CELSR1: variants seen among roughly 807,000 people sequenced by gnomAD.
CELSR1 encodes adhesion G protein-coupled receptor C1.
Under a neutral mutation model 249.1 loss-of-function variants are expected in CELSR1, and 110 were observed. The ratio of observed to expected loss-of-function variants is 0.44; its 90% CI spans 0.38 to 0.52. The LOEUF is 0.52. Among genes scored for constraint, CELSR1 ranks in the 20% least tolerant of loss-of-function variants. CELSR1 has a pLI of 0.00. For synonymous variants in CELSR1, 2,113 were observed against 1,900.0 expected (o/e 1.11, Z -2.92); for missense variants, 4,109 against 4,296.4 (o/e 0.96, Z 1.22).
chr22:46,434,734 C>G lies in CELSR1; in HGVS notation c.4523-1253G>C, dbSNP rs766590789. Among the ~76,000 whole-genome samples the G allele has an allele frequency of 6.6e-6, 1 of 152,146 alleles. No individual in the cohort carries two copies. Among genetic ancestry groups the G allele is most frequent in the Non-Finnish European group, 1.5e-5 (1 of 68,026 alleles). Reference sequence around the variant, plus strand: ...GTGCCAGGCTGAGCCTGGTGGCTCACATCTGTAATCCCAGCACTTTGGGAG... The same window carrying G: ...GTGCCAGGCTGAGCCTGGTGGCTCAGATCTGTAATCCCAGCACTTTGGGAG... On this transcript the variant is annotated intron_variant, in intron 4 of 34. Coordinates refer to ENST00000674500, the MANE Select transcript of CELSR1 (RefSeq NM_001378328.1). This position sits in a 1 kb window ranked among gnomAD's most constrained non-coding sequence, Gnocchi z 4.9.
chr22:46,501,587 G>C (rs552126903), intron 1 of CELSR1, among the ~76,000 whole-genome samples: 1 of 152,128 alleles, frequency 6.6e-6, no homozygotes, highest in African/African-American at 2.4e-5. Context: ...AGGAACCTAC[G>C]GAAACACGCA....
chr22:46,414,555 C>T (rs970634140), intron 5 of CELSR1, among the ~76,000 whole-genome samples: 66 of 151,472 alleles, frequency 4.4e-4, no homozygotes, highest in Non-Finnish European at 7.5e-4. Flanking sequence ...TCCCGCCTCT[C>T]GGCGAGTGTG....
rs965659661 is a variant in CELSR1 at position 46,506,231 on chromosome 22, C to T, written c.3544+27396G>A. Among the ~76,000 whole-genome samples the T allele has an allele frequency of 2.0e-5, 3 of 151,808 alleles. No individual in the cohort carries two copies. The highest frequency in any genetic ancestry group is 7.3e-5 in the African/African-American group (3 of 41,300). Reference sequence around the variant, plus strand: ...AAGACAGAAAAGAAACTACTGACTACTGACGGATTGCTGGGTTCTGGATGG... The same window carrying T: ...AAGACAGAAAAGAAACTACTGACTATTGACGGATTGCTGGGTTCTGGATGG... On this transcript the variant is annotated intron_variant, in intron 1 of 34. Transcript: ENST00000674500. This position sits in a 1 kb window ranked among gnomAD's most constrained non-coding sequence, Gnocchi z 4.1.
chr22:46,399,969 C>A lies in CELSR1; in HGVS notation c.5227-67G>T. The A allele has an allele frequency of 6.7e-7, 1 of 1,501,218 alleles. No individual in the cohort carries two copies. Among genetic ancestry groups the A allele is most frequent in the Non-Finnish European group, 9.1e-7 (1 of 1,095,306 alleles). 93.0% of individuals were successfully genotyped at this position (1,501,218 alleles called of 1,614,324 possible). The stretch of plus-strand genomic sequence containing the variant: ...AATGAAAGAGAAAACATTTTGCAGT[C>A]ACTTAAACAAGGAAGCTGTGAAAGG... On this transcript the variant is annotated intron_variant, in intron 9 of 34. Coordinates refer to ENST00000674500, the MANE Select transcript of CELSR1 (RefSeq NM_001378328.1). The surrounding 1 kb of genome is among the most constrained non-coding windows in gnomAD (Gnocchi z 5.0).
At chr22:46,487,533 G>A (rs1367333642) in intron 1 of CELSR1, among the ~76,000 whole-genome samples, 1 of 105,216 alleles carries the variant, frequency 9.5e-6, no homozygotes, top group Non-Finnish European at 1.9e-5. Context: ...GAGCCCCACG[G>A]GGGAGGGGAG....
intron 25 of CELSR1, 132 bp downstream of exon 25, chr22:46,372,751 G>T: frequency 1.7e-6 from 2 of 1,181,826 alleles, no homozygotes; most frequent in Non-Finnish European, 1.2e-6. Context: ...GTGCAGGGCC[G>T]AGGCCTCCTC....
At chr22:46,478,574 A>G (rs1810477) in intron 1 of CELSR1, among the ~76,000 whole-genome samples, 98,937 of 150,364 alleles carry the variant, frequency 0.66, 33,312 homozygotes, top group East Asian at 0.85. Flanking sequence ...ATGGAGTCTC[A>G]CACTGTCGCC....
At chr22:46,372,340 T>C (rs1403574345) in intron 25 of CELSR1, among the ~76,000 whole-genome samples, 2 of 92,860 alleles carry the variant, frequency 2.2e-5, no homozygotes, top group Non-Finnish European at 2.2e-5. Context: ...ACCCCATCTA[T>C]CCATCCACTC....
At position 46,458,382 on chromosome 22, in the gene CELSR1, G is replaced by A. The variant is rs115818519; in HGVS notation, c.4183+5325C>T. Among the ~76,000 whole-genome samples, 783 of 152,312 alleles carry A rather than the reference G, an allele frequency of 5.1e-3. 5 individuals are homozygous for A. The highest frequency in any genetic ancestry group is 0.018 in the African/African-American group (745 of 41,560). ...CTGGGCGCTCCGTGAAGAAGGGATCGTCAGGGCAGGACGAGGGTGGCAGGG... is the reference window on the plus strand; with the variant it reads ...CTGGGCGCTCCGTGAAGAAGGGATCATCAGGGCAGGACGAGGGTGGCAGGG... On this transcript the variant is annotated intron_variant, in intron 2 of 34. Transcript: ENST00000674500.
intron 1 of CELSR1, among the ~76,000 whole-genome samples, chr22:46,530,714 C>A (rs2080782824): frequency 6.6e-6 from 1 of 152,238 alleles, no homozygotes; most frequent in Non-Finnish European, 1.5e-5. Flanking sequence ...AAACCACCAA[C>A]AACTATCTAG....
At position 46,439,419 on chromosome 22, in the gene CELSR1, G is replaced by C. The variant is rs200176500; in HGVS notation, c.4184-8C>G. The C allele has an allele frequency of 3.7e-6, 6 of 1,606,736 alleles. No homozygotes were observed. Among genetic ancestry groups the C allele is most frequent in the Non-Finnish European group, 4.2e-6 (5 of 1,177,500 alleles). On this transcript the variant is annotated splice_polypyrimidine_tract_variant and splice_region_variant and intron_variant, in intron 2 of 34. Transcript: ENST00000674500. ...CCACCTCACAGTGCTCTCCTGGGGGGCGAGAGGAAGATGCCAGAGAGGAGG... is the reference window on the plus strand; with the variant it reads ...CCACCTCACAGTGCTCTCCTGGGGGCCGAGAGGAAGATGCCAGAGAGGAGG...
In CELSR1 at chr22:46,398,993, C is replaced by T. The variant is rs1049803898; in HGVS notation, c.5413-356G>A. ...AGGAAGACTGCAGTGAACGGAAATCCGCTCACTCATTAACACTGTGGGAAC... is the reference window on the plus strand; with the variant it reads ...AGGAAGACTGCAGTGAACGGAAATCTGCTCACTCATTAACACTGTGGGAAC... On this transcript the variant is annotated intron_variant, in intron 10 of 34. Coordinates refer to ENST00000674500, the MANE Select transcript of CELSR1 (RefSeq NM_001378328.1). The surrounding 1 kb of genome is among the most constrained non-coding windows in gnomAD (Gnocchi z 7.2). Among the ~76,000 whole-genome samples the T allele has an allele frequency of 2.0e-5, 3 of 152,204 alleles. No homozygotes were observed. Among genetic ancestry groups the T allele is most frequent in the African/African-American group, 7.2e-5 (3 of 41,452 alleles).
At chr22:46,480,139 G>A (rs2080252052) in intron 1 of CELSR1, among the ~76,000 whole-genome samples, 1 of 152,166 alleles carries the variant, frequency 6.6e-6, no homozygotes, top group South Asian at 2.1e-4. Context: ...TTCTCTTCAC[G>A]GGCAAAGTGT....
At chr22:46,439,139 G>T in intron 3 of CELSR1, 50 bp downstream of exon 3, 2 of 1,524,924 alleles carry the variant, frequency 1.3e-6, no homozygotes, top group African/African-American at 1.4e-5. Flanking sequence ...GGAGAAGCTC[G>T]CCCCTTTCCT....
chr22:46,498,223 TG>T (rs1421510166), intron 1 of CELSR1, among the ~76,000 whole-genome samples: 3 of 111,728 alleles, frequency 2.7e-5, no homozygotes, highest in Non-Finnish European at 5.0e-5. Context: ...CACTCCAGCC[TG>T]GGCAACAAGA....
At chr22:46,405,614 G>C (rs186902483) in intron 9 of CELSR1, among the ~76,000 whole-genome samples, 112 of 152,272 alleles carry the variant, frequency 7.4e-4, no homozygotes, top group African/African-American at 2.6e-3. Flanking sequence ...AGGTAACTGA[G>C]AGTGTGTCCC....
In CELSR1 at chr22:46,408,688, G is replaced by A. The variant is rs770947307; in HGVS notation, c.5226+308C>T. ...GCTCACTGTTTCCGCCTGAAGGCTC[G>A]GCACCTCCCTCAGTTCTGCAATGCC... On this transcript the variant is annotated intron_variant, in intron 9 of 34. Coordinates refer to ENST00000674500, the MANE Select transcript of CELSR1 (RefSeq NM_001378328.1). This position sits in a 1 kb window ranked among gnomAD's most constrained non-coding sequence, Gnocchi z 4.6. Among the ~76,000 whole-genome samples the A allele has an allele frequency of 1.8e-4, 27 of 152,146 alleles. No individual in the cohort carries two copies. Among genetic ancestry groups the A allele is most frequent in the Non-Finnish European group, 2.1e-4 (14 of 68,020 alleles).
Position 46,361,864 on chromosome 22 carries a change from C to G in CELSR1, c.*1359G>C, listed in dbSNP as rs1012568634. On this transcript the variant is annotated 3_prime_UTR_variant, in exon 35 of 35. Coordinates refer to ENST00000674500, the MANE Select transcript of CELSR1 (RefSeq NM_001378328.1). ...CTAAAATCAAACATGTCTGACAGTTCCGGGACCCGTTCCACAGCCCCTCGG... is the reference window on the plus strand; with the variant it reads ...CTAAAATCAAACATGTCTGACAGTTGCGGGACCCGTTCCACAGCCCCTCGG... 1 of 152,266 alleles carries G rather than the reference C, an allele frequency of 6.6e-6. No homozygotes were observed. The highest frequency in any genetic ancestry group is 6.5e-5 in the Admixed American group (1 of 15,290). 9.4% of individuals were successfully genotyped at this position (152,266 alleles called of 1,614,324 possible). A position where few individuals can be genotyped will look rare whatever the true frequency, so the allele number is the denominator to read the frequency against.
intron 1 of CELSR1, among the ~76,000 whole-genome samples, chr22:46,477,226 T>C (rs8135387): frequency 0.66 from 100,166 of 151,980 alleles, 33,662 homozygotes; most frequent in East Asian, 0.85. Context: ...CATCTGTTTA[T>C]ACCATGAGCT....
Sources: allele counts gnomAD v4.1 joint callset (sites outside exome capture counted in the v4.1 genomes callset), GRCh38; gene constraint gnomAD v4.1.1; non-coding constraint Gnocchi (gnomAD v3.1); transcripts MANE v1.5; gene names NCBI Gene and HGNC (gene_info 2026-07-23, HGNC 2026-07-21).